SLC4A7: variants seen among roughly 807,000 people sequenced by gnomAD.
SLC4A7 encodes sodium bicarbonate cotransporter 3.
Under a neutral mutation model 137.6 loss-of-function variants are expected in SLC4A7, and 51 were observed. The observed-to-expected ratio is 0.37, with a 90% CI of 0.30 to 0.47. The LOEUF (loss-of-function observed/expected upper bound fraction) is 0.47, where lower values mean the gene tolerates loss of function less well. SLC4A7 is among the 20% of genes least tolerant of loss of function. The probability of loss-of-function intolerance (pLI) is 1.00; values close to 1 mark genes in which losing one functional copy is unlikely to be tolerated. For missense variants in SLC4A7, 1,247 were observed against 1,525.4 expected, an observed-to-expected ratio of 0.82 and a Z score of 3.04; for synonymous variants, 542 against 518.6, an observed-to-expected ratio of 1.05 and a Z score of -0.61.
At chr3:27,395,168 A>T in intron 18 of SLC4A7, 53 bp from the exon 19 acceptor site, 1 of 1,313,118 alleles carries the variant, frequency 7.6e-7, no homozygotes, top group Non-Finnish European at 1.0e-6. Context: ...GTATTGCACT[A>T]AATTTCCATA....
At chr3:27,483,967 G>C (rs1200479198) in intron 1 of SLC4A7, 100 bp downstream of exon 1, 7 of 918,598 alleles carry the variant, frequency 7.6e-6, no homozygotes, top group Non-Finnish European at 8.6e-6. Context: ...GGCCTGGGAC[G>C]AGGTGGCCGA....
chr3:27,444,207 T>A (rs1021816882), intron 3 of SLC4A7, among the ~76,000 whole-genome samples: 1 of 152,214 alleles, frequency 6.6e-6, no homozygotes, highest in Non-Finnish European at 1.5e-5. Flanking sequence ...TCCAATTTTA[T>A]CATGTATTCT....
At chr3:27,423,953 A>G in intron 8 of SLC4A7, 84 bp downstream of exon 8, 1 of 788,000 alleles carries the variant, frequency 1.3e-6, no homozygotes, top group Admixed American at 2.2e-5. Flanking sequence ...TACTATCATC[A>G]ATGTTAATAA....
chr3:27,461,623 A>T (rs1016347712), intron 1 of SLC4A7, among the ~76,000 whole-genome samples: 2 of 150,914 alleles, frequency 1.3e-5, no homozygotes, highest in Non-Finnish European at 3.0e-5. Flanking sequence ...AAAAAAAAAA[A>T]GAATAAATAA....
chr3:27,451,566 G>T (rs1043590284), intron 2 of SLC4A7, among the ~76,000 whole-genome samples: 2 of 151,936 alleles, frequency 1.3e-5, no homozygotes, highest in African/African-American at 4.8e-5. Context: ...CTCTTCAAAA[G>T]TGTTAAGGTC....
At chr3:27,444,173 C>G (rs560532507) in intron 3 of SLC4A7, among the ~76,000 whole-genome samples, 1 of 152,310 alleles carries the variant, frequency 6.6e-6, no homozygotes, top group Admixed American at 6.5e-5. Context: ...AAATCTCCAA[C>G]TCTTAATTGT....
At position 27,404,796 on chromosome 3, in the gene SLC4A7, A is replaced by G. The variant is rs757369980; in HGVS notation, c.2075+34T>C. The G allele has an allele frequency of 8.0e-6, 12 of 1,494,358 alleles. No homozygotes were observed. In the South Asian group the frequency reaches 1.5e-4, roughly 19 times the overall value. The allele number at this position is 1,494,358 out of a possible 1,614,324, so 92.6% of individuals were successfully genotyped here. ...AAGTTAATAAACAATTTCATATATA[A>G]CACATGTGATAAGTAGAGAGGGCTA... On this transcript the variant is annotated intron_variant, in intron 14 of 25. Coordinates refer to ENST00000454389, the MANE Select transcript of SLC4A7 (RefSeq NM_001321103.2).
intron 9 of SLC4A7, 130 bp from the exon 10 acceptor site, chr3:27,420,917 A>C: frequency 1.8e-6 from 1 of 548,586 alleles, no homozygotes; most frequent in Non-Finnish European, 3.1e-6. Context: ...ACTCCCCCAC[A>C]CCAATCACTG....
intron 1 of SLC4A7, among the ~76,000 whole-genome samples, chr3:27,473,306 T>A (rs752992430): frequency 2.1e-4 from 32 of 151,836 alleles, no homozygotes; most frequent in Admixed American, 7.9e-4. Context: ...CAAGACCTCA[T>A]CTCTTAAAAA....
intron 1 of SLC4A7, among the ~76,000 whole-genome samples, chr3:27,455,451 T>G (rs2058342616): frequency 6.6e-6 from 1 of 152,230 alleles, no homozygotes; most frequent in Non-Finnish European, 1.5e-5. Flanking sequence ...ACCAAATTCT[T>G]AACTGCTCCT....
chr3:27,447,610 G>C lies in SLC4A7; in HGVS notation c.289+1041C>G, dbSNP rs545192239. On this transcript the variant is annotated intron_variant, in intron 3 of 25. Transcript: ENST00000454389. ...GCCCTGTATGCTAACTAAGTATAAT[G>C]CCTAAGAATCCTCCTCAGGTTTTAC... is the stretch of plus-strand genomic sequence containing the variant. 1.6e-4 allele frequency among the ~76,000 whole-genome samples: 22 copies of C among 138,468 alleles called. No homozygotes were observed. In the East Asian group the frequency reaches 4.9e-3, roughly 31 times the overall value. 90.8% of individuals were successfully genotyped at this position (138,468 alleles called of 152,430 possible).
At position 27,376,503 on chromosome 3, in the gene SLC4A7, C is replaced by T. The variant is rs562843863; in HGVS notation, c.*261G>A. 1 of 245,900 alleles carries T rather than the reference C, an allele frequency of 4.1e-6. No homozygotes were observed. The highest frequency in any genetic ancestry group is 7.7e-6 in the Non-Finnish European group (1 of 130,252). The allele number at this position is 245,900 out of a possible 1,614,324, so 15.2% of individuals were successfully genotyped here. On this transcript the variant is annotated 3_prime_UTR_variant, in exon 26 of 26. Coordinates refer to ENST00000454389, the MANE Select transcript of SLC4A7 (RefSeq NM_001321103.2). ...GTAGACTGAAAGCATTTCTCCACAT[C>T]CTTCTATTGCAAAACAGAAAATTTT... is the stretch of plus-strand genomic sequence containing the variant.
intron 3 of SLC4A7, among the ~76,000 whole-genome samples, chr3:27,442,456 T>G (rs2057274708): frequency 6.6e-6 from 1 of 151,698 alleles, no homozygotes; most frequent in South Asian, 2.1e-4. Context: ...TTTTTTTTTT[T>G]TGAGACAGCG....
At chr3:27,418,817 T>A (rs1391219615) in intron 10 of SLC4A7, among the ~76,000 whole-genome samples, 185 bp from the exon 11 acceptor site, 1 of 152,148 alleles carries the variant, frequency 6.6e-6, no homozygotes, top group East Asian at 1.9e-4. Context: ...TATTATCAGA[T>A]GAATTAACAA....
At chr3:27,439,984 T>C (rs1190856691) in intron 3 of SLC4A7, among the ~76,000 whole-genome samples, 2 of 152,248 alleles carry the variant, frequency 1.3e-5, no homozygotes, top group Non-Finnish European at 2.9e-5. Context: ...ATTTAGATAG[T>C]TGTATTGCTT....
intron 3 of SLC4A7, among the ~76,000 whole-genome samples, chr3:27,443,367 G>A (rs145580757): frequency 2.0e-5 from 3 of 152,050 alleles, no homozygotes; most frequent in South Asian, 2.1e-4. Flanking sequence ...GATGTGTATC[G>A]AAATTTTCTA....
Position 27,404,967 on chromosome 3 carries a change from T to C in SLC4A7, c.1942-4A>G. On this transcript the variant is annotated splice_polypyrimidine_tract_variant and splice_region_variant and intron_variant, in intron 13 of 25. Coordinates refer to ENST00000454389, the MANE Select transcript of SLC4A7 (RefSeq NM_001321103.2). ...CAAAAAGAGACTCTATTGCACTCTG[T>C]TTAAGGAAAAAAGAAATGAATAAAA... The C allele has an allele frequency of 6.4e-7, 1 of 1,560,004 alleles. No homozygotes were observed. Among genetic ancestry groups the C allele is most frequent in the Non-Finnish European group, 8.6e-7 (1 of 1,161,522 alleles).
rs749465995 is a variant in SLC4A7 at position 27,403,323 on chromosome 3, A to G, written c.2137T>C (p.Cys713Arg). The stretch of plus-strand genomic sequence containing the variant: ...GCATCTGTTGCAACCAAAACAATGC[A>G]CAAAAAAGAAGTCCACAGACCAATA... ...TSIGLWTSFL[C>R]IVLVATDASS... The change falls in exon 15 of 26, where the codon TGC (cysteine) becomes CGC (arginine). Residue 713 changes from cysteine (C) to arginine (R), a missense_variant. Cys to Arg is a radical substitution (Grantham distance 180). Coordinates refer to ENST00000454389, the MANE Select transcript of SLC4A7 (RefSeq NM_001321103.2). The G allele has an allele frequency of 6.2e-7, 1 of 1,613,652 alleles. No homozygotes were observed. The highest frequency in any genetic ancestry group is 1.1e-5 in the South Asian group (1 of 91,054).
At chr3:27,462,335 G>A (rs2150633182) in intron 1 of SLC4A7, among the ~76,000 whole-genome samples, 1 of 152,248 alleles carries the variant, frequency 6.6e-6, no homozygotes, top group Non-Finnish European at 1.5e-5. Context: ...ATAAAGTCAA[G>A]AACGTTTGGG....
Sources: allele counts gnomAD v4.1 joint callset (sites outside exome capture counted in the v4.1 genomes callset), GRCh38; gene constraint gnomAD v4.1.1; transcripts MANE v1.5; gene names NCBI Gene and HGNC (gene_info 2026-07-23, HGNC 2026-07-21).